DAZAP1: variants seen among roughly 807,000 people sequenced by gnomAD.
DAZAP1 encodes DAZ-associated protein 1.
A neutral mutation model predicts 60.1 loss-of-function variants in DAZAP1; 6 were observed. The ratio of observed to expected loss-of-function variants is 0.10; its 90% CI spans 0.05 to 0.20. The LOEUF (loss-of-function observed/expected upper bound fraction) is 0.20, where lower values mean the gene tolerates loss of function less well. Among genes scored for constraint, DAZAP1 ranks in the 10% least tolerant of loss-of-function variants. The pLI, the probability that DAZAP1 is intolerant of heterozygous loss-of-function variation, is 1.00. For missense variants in DAZAP1, 366 were observed against 560.4 expected (o/e 0.65, Z 3.50); for synonymous variants, 235 against 215.9 (o/e 1.09, Z -0.78).
intron 10 of DAZAP1, among the ~76,000 whole-genome samples, 162 bp downstream of exon 10, chr19:1,430,524 T>C (rs2083421142): frequency 6.6e-6 from 1 of 152,210 alleles, no homozygotes; most frequent in Non-Finnish European, 1.5e-5. Flanking sequence ...CACCTGCAGA[T>C]GGGCTCCATC....
At position 1,430,254 on chromosome 19, in the gene DAZAP1, G is replaced by GGCCCCCCC; in HGVS notation, c.763_764insGCCCCCCC (p.Ala255GlyfsTer83). 1.5e-6 allele frequency: 2 copies of GGCCCCCCC among 1,295,254 alleles called. No individual in the cohort carries two copies. Among genetic ancestry groups the GGCCCCCCC allele is most frequent in the Non-Finnish European group, 2.2e-6 (2 of 924,062 alleles). 80.2% of individuals were successfully genotyped at this position (1,295,254 alleles called of 1,614,324 possible). ...TGGACCGCCCCCTGCAGGAAGAGGA[G>GGCCCCCCC]CCCCCCCGCCACCCCCACCGTTCAC... On this transcript the variant is annotated frameshift_variant, in exon 10 of 12. Coordinates refer to ENST00000233078, the MANE Select transcript of DAZAP1 (RefSeq NM_018959.4). LOFTEE classifies it high-confidence loss of function.
chr19:1,415,426 C>T (rs1481651827), intron 1 of DAZAP1, among the ~76,000 whole-genome samples: 1 of 119,300 alleles, frequency 8.4e-6, no homozygotes, highest in Non-Finnish European at 1.7e-5. Context: ...ACTGCTTGAA[C>T]TTTAATTCCA....
In DAZAP1 at chr19:1,433,531, C is replaced by T. The variant is rs1460737536; in HGVS notation, c.1048+841C>T. 8 of 560,462 alleles carry T rather than the reference C, an allele frequency of 1.4e-5. No homozygotes were observed. The highest frequency in any genetic ancestry group is 3.0e-5 in the East Asian group (1 of 33,042). 34.7% of individuals were successfully genotyped at this position (560,462 alleles called of 1,614,324 possible). A position where few individuals can be genotyped will look rare whatever the true frequency, so the allele number is the denominator to read the frequency against. On this transcript the variant is annotated intron_variant, in intron 11 of 11. Transcript: ENST00000233078. This position sits in a 1 kb window ranked among gnomAD's most constrained non-coding sequence, Gnocchi z 6.1. ...GGCCGAGGTGCCCGCCCACCCACCTCGCATGGCTGTGGTTCCCCTGCCCCC... is the reference window on the plus strand; with the variant it reads ...GGCCGAGGTGCCCGCCCACCCACCTTGCATGGCTGTGGTTCCCCTGCCCCC...
rs2082700887 is a variant in DAZAP1 at position 1,407,619 on chromosome 19, AG to A, written c.-154del. On this transcript the variant is annotated 5_prime_UTR_variant, in exon 1 of 12. Transcript: ENST00000233078. ...ACCGTTGGCGCCGAGGGGAGGAGGC[AG>A]CCGCCGCCGCCGCCGCCGCCGCCGC... 8.4e-6 allele frequency: 2 copies of A among 239,100 alleles called. No individual in the cohort carries two copies. Among genetic ancestry groups the A allele is most frequent in the Non-Finnish European group, 1.3e-5 (2 of 154,750 alleles). The allele number at this position is 239,100 out of a possible 1,614,324, so 14.8% of individuals were successfully genotyped here. A position where few individuals can be genotyped will look rare whatever the true frequency, so the allele number is the denominator to read the frequency against.
chr19:1,411,557 A>G (rs1449299283), intron 1 of DAZAP1, among the ~76,000 whole-genome samples: 1 of 152,132 alleles, frequency 6.6e-6, no homozygotes, highest in East Asian at 1.9e-4. Context: ...CCTTGGCTCC[A>G]ATGGTCTGGA....
chr19:1,408,938 CCT>C (rs2082745898), intron 1 of DAZAP1, among the ~76,000 whole-genome samples: 1 of 152,178 alleles, frequency 6.6e-6, no homozygotes, highest in South Asian at 2.1e-4. Flanking sequence ...TGAGCAGCGC[CCT>C]GTGTTCTCAG....
chr19:1,425,898 G>A lies in DAZAP1; in HGVS notation c.484G>A (p.Glu162Lys). ...GCTAGGTTTTGGATTTATTACTTTC[G>A]AGGACGAACAATCAGTGGACCAGGC... ...RPRGFGFITF[E>K]DEQSVDQAVN... The change falls in exon 7 of 12, where the codon GAG becomes AAG. Residue 162 changes from glutamate (E) to lysine (K), a missense_variant. Glu to Lys is a moderately conservative substitution (Grantham distance 56). Around this residue, in one of 3 missense-constraint regions of DAZAP1, gnomAD observed 28 missense variants for 96.3 expected, o/e 0.29. Transcript: ENST00000233078. The surrounding 1 kb of genome is among the most constrained non-coding windows in gnomAD (Gnocchi z 5.4). 1 of 1,613,530 alleles carries A rather than the reference G, an allele frequency of 6.2e-7. No homozygotes were observed. Among genetic ancestry groups the A allele is most frequent in the Non-Finnish European group, 8.5e-7 (1 of 1,179,474 alleles).
intron 6 of DAZAP1, among the ~76,000 whole-genome samples, chr19:1,424,305 CCCTCCTCCT>C (rs929934942): frequency 1.3e-5 from 2 of 148,490 alleles, no homozygotes; most frequent in African/African-American, 2.5e-5. Context: ...CCTTCCTGGT[CCCTCCTCCT>C]CTTCCTCCTC....
At chr19:1,408,558 C>T (rs930070714) in intron 1 of DAZAP1, among the ~76,000 whole-genome samples, 2 of 142,242 alleles carry the variant, frequency 1.4e-5, no homozygotes, top group Non-Finnish European at 3.1e-5. Flanking sequence ...GTGGTAAGGT[C>T]GGGAGGGGTT....
chr19:1,412,167 C>T (rs1017394960), intron 1 of DAZAP1, among the ~76,000 whole-genome samples: 2 of 152,106 alleles, frequency 1.3e-5, no homozygotes, highest in African/African-American at 2.4e-5. Flanking sequence ...GTTCACGGAC[C>T]GCTCCTGTGT....
chr19:1,431,335 TAGGC>T (rs1400577313), intron 10 of DAZAP1, among the ~76,000 whole-genome samples: 2 of 151,080 alleles, frequency 1.3e-5, no homozygotes, highest in African/African-American at 2.4e-5. Context: ...TTCACCGTGT[TAGGC>T]AGGATGGTCT....
intron 1 of DAZAP1, among the ~76,000 whole-genome samples, chr19:1,408,180 G>A (rs1431234428): frequency 2.0e-5 from 3 of 151,728 alleles, no homozygotes; most frequent in Non-Finnish European, 4.4e-5. Context: ...GAGGGACCCC[G>A]AATGGGAGCC....
chr19:1,408,647 G>A (rs2082735793), intron 1 of DAZAP1, among the ~76,000 whole-genome samples: 1 of 152,342 alleles, frequency 6.6e-6, no homozygotes, highest in African/African-American at 2.4e-5. Context: ...CCCGCCGGGG[G>A]TGGGCTTGAG....
chr19:1,419,004 T>C (rs2083069999), intron 4 of DAZAP1, among the ~76,000 whole-genome samples: 1 of 151,690 alleles, frequency 6.6e-6, no homozygotes, highest in African/African-American at 2.4e-5. Flanking sequence ...CTGTGCCCTG[T>C]GTGCCCTCTG....
In DAZAP1 at chr19:1,418,553, CGGCGG is replaced by C. The variant is rs761834976; in HGVS notation, c.238-101_238-97del. ...CAGGAGGATACAGGGTGAATGGAGC[CGGCGG>C]GGCGGGGCGGGCCGGGCTGCTGTGC... On this transcript the variant is annotated intron_variant, in intron 3 of 11. Transcript: ENST00000233078. The surrounding 1 kb of genome is among the most constrained non-coding windows in gnomAD (Gnocchi z 5.7). 8.8e-6 allele frequency: 13 copies of C among 1,477,582 alleles called. No homozygotes were observed. Among genetic ancestry groups the C allele is most frequent in the Non-Finnish European group, 1.0e-5 (11 of 1,059,784 alleles). The allele number at this position is 1,477,582 out of a possible 1,614,324, so 91.5% of individuals were successfully genotyped here.
In DAZAP1 at chr19:1,428,198, G is replaced by A. The variant is rs1245504876; in HGVS notation, c.547-644G>A. Reference sequence around the variant, plus strand: ...ATGAAGATTGCTTACTGATCCAAATGTCCATTTTATTGCATGTTTGTTACT... The same window carrying A: ...ATGAAGATTGCTTACTGATCCAAATATCCATTTTATTGCATGTTTGTTACT... On this transcript the variant is annotated intron_variant, in intron 7 of 11. Transcript: ENST00000233078. The surrounding 1 kb of genome is among the most constrained non-coding windows in gnomAD (Gnocchi z 4.0). 1 of 152,348 alleles carries A rather than the reference G, an allele frequency of 6.6e-6. No individual in the cohort carries two copies. Among genetic ancestry groups the A allele is most frequent in the Non-Finnish European group, 1.5e-5 (1 of 68,220 alleles). The allele number at this position is 152,348 out of a possible 1,614,324, so 9.4% of individuals were successfully genotyped here.
Position 1,434,746 on chromosome 19 carries a change from G to T in DAZAP1, c.1058G>T (p.Gly353Val). 6.2e-7 allele frequency: 1 copy of T among 1,612,318 alleles called. No homozygotes were observed. Among genetic ancestry groups the T allele is most frequent in the Non-Finnish European group, 8.5e-7 (1 of 1,179,318 alleles). The change falls in exon 12 of 12, where the codon GGG becomes GTG. Residue 353 changes from glycine (G) to valine (V), a missense_variant. Physicochemically the swap from Gly to Val is moderately radical, Grantham distance 109 (BLOSUM62 -3). This residue lies in a region of DAZAP1 where 240 missense variants were observed against 308.8 expected (regional missense o/e 0.78). Coordinates refer to ENST00000233078, the MANE Select transcript of DAZAP1 (RefSeq NM_018959.4). The surrounding 1 kb of genome is among the most constrained non-coding windows in gnomAD (Gnocchi z 8.0). Reference protein sequence around the residue: ...DFPYGQYAGYGQDLSGFGQGF... With the variant: ...DFPYGQYAGYVQDLSGFGQGF... ...GGACTTTCTCCCCCAGCAGGTTACG[G>T]GCAGGACTTGAGTGGCTTCGGACAG...
In DAZAP1 at chr19:1,418,418, C is replaced by T. The variant is rs1373742158; in HGVS notation, c.237+48C>T. The T allele has an allele frequency of 1.9e-6, 3 of 1,594,100 alleles. No individual in the cohort carries two copies. Among genetic ancestry groups the T allele is most frequent in the Admixed American group, 1.7e-5 (1 of 59,186 alleles). On this transcript the variant is annotated intron_variant, in intron 3 of 11. Transcript: ENST00000233078. The surrounding 1 kb of genome is among the most constrained non-coding windows in gnomAD (Gnocchi z 5.7). The stretch of plus-strand genomic sequence containing the variant: ...ACACCCGCTCTCTGTCTCCCCTGTC[C>T]TTCCTCTGCTTCATTTTTTCCTGGA...
intron 1 of DAZAP1, among the ~76,000 whole-genome samples, chr19:1,408,986 A>C (rs748205530): frequency 6.6e-6 from 1 of 152,210 alleles, no homozygotes; most frequent in Non-Finnish European, 1.5e-5. Context: ...GGTTGCTGCT[A>C]GAGGGTTGCC....
Sources: gnomAD v4.1 joint callset for allele counts (sites outside exome capture counted in the v4.1 genomes callset) on GRCh38, gnomAD v4.1.1 for gene constraint, gnomAD v4.1.1 regional missense constraint, Gnocchi (gnomAD v3.1) non-coding constraint, MANE v1.5 for transcripts, NCBI Gene and HGNC (gene_info 2026-07-23, HGNC 2026-07-21) for gene names.